MCPH1: variants seen among roughly 807,000 people sequenced by gnomAD.
The protein encoded by MCPH1 is microcephalin.
MCPH1 carries 104 observed loss-of-function variants against 84.5 expected under a neutral mutation model. That is an observed-to-expected ratio of 1.23 (90% confidence interval 1.05 to 1.45). The LOEUF is 1.45. Ranked by LOEUF, MCPH1 falls within the 40% of genes most tolerant of loss-of-function variation. MCPH1 has a pLI of 0.00. For missense variants in MCPH1, 1,498 were observed against 1,005.7 expected, an observed-to-expected ratio of 1.49 and a Z score of -6.62; for synonymous variants, 514 against 366.8, an observed-to-expected ratio of 1.40 and a Z score of -4.58.
At position 6,444,443 on chromosome 8, in the gene MCPH1, A is replaced by T. The variant is rs1297297978; in HGVS notation, c.721A>T (p.Asn241Tyr). 8 of 1,614,066 alleles carry T rather than the reference A, an allele frequency of 5.0e-6. No homozygotes were observed. In the South Asian group the frequency reaches 8.8e-5, roughly 18 times the overall value. ...CTCATCTTTTGATGATCTTTGTGGA[A>T]ACTCAGGATGTGGAAATCAGGAAAG... ...LHSSFDDLCGNSGCGNQERKL... is the reference protein window; with the variant it reads ...LHSSFDDLCGYSGCGNQERKL... Residue 241 changes from asparagine (N) to tyrosine (Y), a missense_variant, in exon 8 of 14, where the codon AAC (asparagine) becomes TAC (tyrosine). Coordinates refer to ENST00000344683, the MANE Select transcript of MCPH1 (RefSeq NM_024596.5).
chr8:6,488,639 AAG>A lies in MCPH1; in HGVS notation c.2136+7767_2136+7768del, dbSNP rs150459064. Among the ~76,000 whole-genome samples the A allele has an allele frequency of 3.0e-3, 452 of 152,314 alleles. 1 individual carries two copies. The highest frequency in any genetic ancestry group is 0.01 in the African/African-American group (435 of 41,574). ...GTCCTAAGGCTGCACCTTTGCAAGA[AAG>A]AGAAATACCTGAGGCACCGGGAGTG... is the stretch of plus-strand genomic sequence containing the variant. On this transcript the variant is annotated intron_variant, in intron 11 of 13. Coordinates refer to ENST00000344683, the MANE Select transcript of MCPH1 (RefSeq NM_024596.5).
chr8:6,534,644 A>G (rs972982493), intron 12 of MCPH1, among the ~76,000 whole-genome samples: 1 of 152,226 alleles, frequency 6.6e-6, no homozygotes, highest in Non-Finnish European at 1.5e-5. Flanking sequence ...AAAAATTTTT[A>G]AAAATTTAAA....
At chr8:6,623,470 ACTT>A (rs1247386333) in intron 13 of MCPH1, among the ~76,000 whole-genome samples, 2 of 151,770 alleles carry the variant, frequency 1.3e-5, no homozygotes, top group African/African-American at 4.8e-5. Flanking sequence ...TAAATCCTAA[ACTT>A]CTGGCTTTTC....
At chr8:6,544,334 C>T (rs80079684) in intron 12 of MCPH1, among the ~76,000 whole-genome samples, 8 of 152,226 alleles carry the variant, frequency 5.3e-5, no homozygotes, top group East Asian at 1.9e-4. Flanking sequence ...CACTGTGTTC[C>T]GTGATGATTA....
intron 12 of MCPH1, among the ~76,000 whole-genome samples, chr8:6,517,719 G>T (rs982732988): frequency 3.3e-5 from 5 of 152,064 alleles, no homozygotes; most frequent in Non-Finnish European, 5.9e-5. Context: ...GGGTATCATT[G>T]TTCTGTTACA....
rs545479541 is a variant in MCPH1 at position 6,420,072 on chromosome 8, C to T, written c.233+5189C>T. Among the ~76,000 whole-genome samples the T allele has an allele frequency of 2.1e-3, 311 of 151,300 alleles. 2 individuals are homozygous for T. The highest frequency in any genetic ancestry group is 7.4e-3 in the African/African-American group (304 of 41,192). On this transcript the variant is annotated intron_variant, in intron 3 of 13. Coordinates refer to ENST00000344683, the MANE Select transcript of MCPH1 (RefSeq NM_024596.5). ...GTGAGGGAGGGAGGAGGGAGGGGCT[C>T]GTGTATCTCGTTTGCGTTTTGTTTC...
intron 13 of MCPH1, among the ~76,000 whole-genome samples, chr8:6,624,492 ACT>A (rs1336360228): frequency 8.6e-5 from 13 of 151,610 alleles, no homozygotes; most frequent in Non-Finnish European, 4.4e-5. Flanking sequence ...TCCAGCCCAC[ACT>A]CTCTGAGATG....
intron 12 of MCPH1, among the ~76,000 whole-genome samples, chr8:6,604,667 G>C (rs1221855550): frequency 6.6e-6 from 1 of 152,220 alleles, no homozygotes; most frequent in Non-Finnish European, 1.5e-5. Flanking sequence ...ACCACGCCTG[G>C]CTAGTTTTTG....
chr8:6,444,761 T>G lies in MCPH1; in HGVS notation c.1039T>G (p.Ser347Ala). Residue 347 changes from serine to alanine, a missense_variant, in exon 8 of 14, where the codon TCA becomes GCA. Coordinates refer to ENST00000344683, the MANE Select transcript of MCPH1 (RefSeq NM_024596.5). Reference protein sequence around the residue: ...SSTKGHLLIHSRPRSSSVKRK... With the variant: ...SSTKGHLLIHARPRSSSVKRK... ...AACAAAAGGCCACCTTTTGATACAT[T>G]CAAGACCCAGGAGTTCCTCAGTAAA... 1.2e-6 allele frequency: 2 copies of G among 1,614,070 alleles called. No individual in the cohort carries two copies. The highest frequency in any genetic ancestry group is 1.3e-5 in the African/African-American group (1 of 75,010).
At chr8:6,445,672 A>C (rs890315454) in intron 8 of MCPH1, 125 bp downstream of exon 8, 1 of 1,451,052 alleles carries the variant, frequency 6.9e-7, no homozygotes, top group East Asian at 2.5e-5. Flanking sequence ...TTACTTAAAG[A>C]ATGTGCATTT....
At chr8:6,543,250 G>A (rs1464837557) in intron 12 of MCPH1, among the ~76,000 whole-genome samples, 2 of 152,174 alleles carry the variant, frequency 1.3e-5, no homozygotes, top group Non-Finnish European at 2.9e-5. Context: ...AAGACTCAGC[G>A]GGAACACAAG....
intron 12 of MCPH1, among the ~76,000 whole-genome samples, chr8:6,522,640 G>A (rs903747583): frequency 6.6e-6 from 1 of 151,666 alleles, no homozygotes; most frequent in African/African-American, 2.4e-5. Context: ...CAAGCGTGGG[G>A]GTACATGAAT....
At chr8:6,488,131 C>G (rs893477922) in intron 11 of MCPH1, among the ~76,000 whole-genome samples, 3 of 152,380 alleles carry the variant, frequency 2.0e-5, no homozygotes, top group African/African-American at 7.2e-5. Flanking sequence ...AGCTCATTCT[C>G]TGCGGAGGCT....
chr8:6,534,979 A>G (rs374572596), intron 12 of MCPH1, among the ~76,000 whole-genome samples: 67 of 152,204 alleles, frequency 4.4e-4, no homozygotes, highest in African/African-American at 1.5e-3. Context: ...TGTCTTAGTT[A>G]CTCCTCACAG....
At chr8:6,422,497 A>G (rs1968585) in intron 3 of MCPH1, among the ~76,000 whole-genome samples, 101,536 of 152,028 alleles carry the variant, frequency 0.67, 38,045 homozygotes, top group Non-Finnish European at 0.82. Flanking sequence ...TAACCCTACA[A>G]TGGGGATGGT....
chr8:6,621,660 A>T lies in MCPH1; in HGVS notation c.2421A>T (p.Thr807=). 1 of 1,614,228 alleles carries T rather than the reference A, an allele frequency of 6.2e-7. No homozygotes were observed. Among genetic ancestry groups the T allele is most frequent in the Non-Finnish European group, 8.5e-7 (1 of 1,180,032 alleles). ...IGPYSGKKKA[T]VKYLSEKWVL... is the part of the protein sequence containing the mutation. ...CCTACAGCGGAAAGAAGAAAGCCAC[A>T]GTCAAGTATCTGTCTGAGAAATGGG... The change falls in exon 13 of 14, where the codon ACA becomes ACT. Residue 807 remains threonine, a synonymous_variant. Coordinates refer to ENST00000344683, the MANE Select transcript of MCPH1 (RefSeq NM_024596.5).
At chr8:6,535,393 C>G (rs1009903574) in intron 12 of MCPH1, among the ~76,000 whole-genome samples, 1 of 152,110 alleles carries the variant, frequency 6.6e-6, no homozygotes, top group Non-Finnish European at 1.5e-5. Context: ...AATTTCTTAA[C>G]CTGCCATATT....
chr8:6,521,466 A>T, intron 12 of MCPH1: 1 of 1,223,034 alleles, frequency 8.2e-7, no homozygotes, highest in Non-Finnish European at 1.1e-6. Flanking sequence ...AATATTTTAT[A>T]TTTATTGAAT....
chr8:6,418,045 T>A (rs2129552114), intron 3 of MCPH1, among the ~76,000 whole-genome samples: 1 of 152,302 alleles, frequency 6.6e-6, no homozygotes, highest in East Asian at 1.9e-4. Flanking sequence ...GCTGATTTGT[T>A]TGCCTCAAAC....
Sources: allele counts gnomAD v4.1 joint callset (sites outside exome capture counted in the v4.1 genomes callset), GRCh38; gene constraint gnomAD v4.1.1; transcripts MANE v1.5; gene names NCBI Gene and HGNC (gene_info 2026-07-23, HGNC 2026-07-21).